The following PDE4D variants were observed in gnomAD, a reference collection of about 807,000 sequenced individuals.
PDE4D encodes phosphodiesterase 4D.
A neutral mutation model predicts 87.4 loss-of-function variants in PDE4D; 24 were observed. The ratio of observed to expected loss-of-function variants is 0.27; its 90% CI spans 0.20 to 0.39. The LOEUF is 0.39. PDE4D is among the 10% of genes least tolerant of loss of function. The pLI, the probability that PDE4D is intolerant of heterozygous loss-of-function variation, is 1.00. For synonymous variants in PDE4D, 384 were observed against 383.2 expected (o/e 1.00, Z -0.02); for missense variants, 714 against 1,041.0 (o/e 0.69, Z 4.32).
At chr5:60,199,647 A>T (rs1741684382) in intron 1 of PDE4D, among the ~76,000 whole-genome samples, 1 of 151,710 alleles carries the variant, frequency 6.6e-6, no homozygotes, top group Non-Finnish European at 1.5e-5. Flanking sequence ...TAATTCACTA[A>T]AGAAGTAATA....
chr5:59,231,219 C>A (rs553457175), intron 1 of PDE4D, among the ~76,000 whole-genome samples: 1 of 152,102 alleles, frequency 6.6e-6, no homozygotes, highest in Non-Finnish European at 1.5e-5. Flanking sequence ...TGGCTGAAGA[C>A]AAAATGACCT....
chr5:60,049,454 G>A (rs1398684381), intron 2 of PDE4D, among the ~76,000 whole-genome samples: 2 of 152,186 alleles, frequency 1.3e-5, no homozygotes, highest in Admixed American at 1.3e-4. Flanking sequence ...GCTTTTTAGA[G>A]TTTCCAGTTT....
At chr5:59,013,181 C>T (rs1214053633) in intron 6 of PDE4D, among the ~76,000 whole-genome samples, 1 of 152,052 alleles carries the variant, frequency 6.6e-6, no homozygotes, top group Non-Finnish European at 1.5e-5. Context: ...GCACTAAGTG[C>T]CCACAAGAGA....
At chr5:59,021,583 G>A (rs771287003) in intron 6 of PDE4D, among the ~76,000 whole-genome samples, 1 of 152,136 alleles carries the variant, frequency 6.6e-6, no homozygotes, top group Non-Finnish European at 1.5e-5. Context: ...ATTTATGTAA[G>A]TTTTCACTTA....
intron 1 of PDE4D, among the ~76,000 whole-genome samples, chr5:60,284,904 G>C (rs1752273404): frequency 6.6e-6 from 1 of 152,090 alleles, no homozygotes. Context: ...TTGATGTAGA[G>C]CCAAGGCCTT....
intron 2 of PDE4D, among the ~76,000 whole-genome samples, chr5:59,991,796 T>C (rs938593322): frequency 1.2e-4 from 18 of 152,342 alleles, no homozygotes; most frequent in Admixed American, 3.9e-4. Context: ...CAGAACTTCA[T>C]TCCTGGATTG....
chr5:59,558,511 G>C (rs1449851531), intron 1 of PDE4D: 3 of 152,168 alleles, frequency 2.0e-5, no homozygotes, highest in Non-Finnish European at 4.4e-5. Context: ...TGAAGCAGTA[G>C]CATGCAGATG....
intron 1 of PDE4D, among the ~76,000 whole-genome samples, chr5:59,844,800 T>C (rs528911017): frequency 4.6e-5 from 7 of 152,224 alleles, no homozygotes; most frequent in South Asian, 2.1e-4. Context: ...ATTTTGCTGA[T>C]GTAATTAAGG....
intron 1 of PDE4D, among the ~76,000 whole-genome samples, chr5:59,291,038 T>C (rs1445450027): frequency 6.6e-6 from 1 of 151,998 alleles, no homozygotes; most frequent in African/African-American, 2.4e-5. Context: ...CTCAAAAGAC[T>C]AAAAATAGAG....
intron 1 of PDE4D, among the ~76,000 whole-genome samples, chr5:59,538,910 C>T (rs57827742): frequency 0.15 from 22,226 of 152,104 alleles, 1,874 homozygotes; most frequent in Admixed American, 0.21. Context: ...TTTGCATATG[C>T]TCTTGTCTCT....
chr5:59,095,820 T>C (rs1769598159), intron 5 of PDE4D, among the ~76,000 whole-genome samples: 1 of 152,226 alleles, frequency 6.6e-6, no homozygotes, highest in Non-Finnish European at 1.5e-5. Flanking sequence ...TCATTCTTTC[T>C]TAAAATAAGA....
intron 1 of PDE4D, chr5:59,356,803 G>T: frequency 6.4e-7 from 1 of 1,570,254 alleles, no homozygotes; most frequent in Non-Finnish European, 8.5e-7. Context: ...TCTTGTAGAT[G>T]GTCCTGGCAC....
chr5:60,334,414 A>G (rs1757567961), intron 1 of PDE4D, among the ~76,000 whole-genome samples: 1 of 152,230 alleles, frequency 6.6e-6, no homozygotes, highest in African/African-American at 2.4e-5. Flanking sequence ...GTAAGGGAAT[A>G]GAATAATTAT....
chr5:59,224,530 T>A (rs1183568836), intron 1 of PDE4D, among the ~76,000 whole-genome samples: 4 of 152,156 alleles, frequency 2.6e-5, no homozygotes, highest in Admixed American at 2.6e-4. Flanking sequence ...CTTAGCACAC[T>A]TTTGACACAA....
intron 1 of PDE4D, among the ~76,000 whole-genome samples, chr5:59,874,822 T>C (rs1422229526): frequency 6.6e-6 from 1 of 152,196 alleles, no homozygotes; most frequent in Non-Finnish European, 1.5e-5. Context: ...AATCTGACTG[T>C]GAAATGATTC....
chr5:60,042,348 G>C (rs1562013294), intron 2 of PDE4D, among the ~76,000 whole-genome samples: 1 of 152,226 alleles, frequency 6.6e-6, no homozygotes, highest in Non-Finnish European at 1.5e-5. Context: ...GCACCTGGGG[G>C]AAGGGGTGCC....
intron 1 of PDE4D, among the ~76,000 whole-genome samples, chr5:59,365,229 C>T (rs370720103): frequency 1.1e-4 from 16 of 152,186 alleles, no homozygotes; most frequent in South Asian, 6.2e-4. Flanking sequence ...GAGGCCAAGG[C>T]GGACAGATCT....
chr5:59,478,349 G>A (rs1214490524), intron 1 of PDE4D, among the ~76,000 whole-genome samples: 1 of 151,988 alleles, frequency 6.6e-6, no homozygotes, highest in African/African-American at 2.4e-5. Flanking sequence ...GCACGGATTT[G>A]AGGTTTATAA....
chr5:59,110,534 T>C (rs1358697342), intron 5 of PDE4D, among the ~76,000 whole-genome samples: 3 of 152,236 alleles, frequency 2.0e-5, no homozygotes, highest in Admixed American at 1.3e-4. Flanking sequence ...ATTTAATCCT[T>C]ATACCAAGGG....
Sources: gnomAD v4.1 joint callset for allele counts (sites outside exome capture counted in the v4.1 genomes callset) on GRCh38, gnomAD v4.1.1 for gene constraint, MANE v1.5 for transcripts, NCBI Gene and HGNC (gene_info 2026-07-23, HGNC 2026-07-21) for gene names.